The following GALNT13 variants were observed in gnomAD, a reference collection of about 807,000 sequenced individuals.
GALNT13 encodes polypeptide N-acetylgalactosaminyltransferase 13.
Under a neutral mutation model 64.2 loss-of-function variants are expected in GALNT13, and 28 were observed. The ratio of observed to expected loss-of-function variants is 0.44; its 90% CI spans 0.32 to 0.60. The LOEUF (loss-of-function observed/expected upper bound fraction) is 0.60. GALNT13 is among the 20% of genes least tolerant of loss of function. The pLI, the probability that GALNT13 is intolerant of heterozygous loss-of-function variation, is 0.05. For synonymous variants in GALNT13, 214 were observed against 224.6 expected (o/e 0.95, Z 0.42); for missense variants, 577 against 669.8 (o/e 0.86, Z 1.53).
chr2:153,400,794 T>C, the GALNT13 span, among the ~76,000 whole-genome samples: 16 of 152,200 alleles, frequency 1.1e-4, no homozygotes, highest in East Asian at 2.1e-3. Flanking sequence ...TTTTTTATTG[T>C]GTCTATTTGA....
the GALNT13 span, among the ~76,000 whole-genome samples, chr2:153,724,406 A>G: frequency 1.2e-3 from 149 of 120,254 alleles, no homozygotes; most frequent in African/African-American, 6.0e-3. Context: ...CAAGGACTTC[A>G]TGTCCAAAAC....
chr2:153,948,535 A>G (rs1297960312), intron 3 of GALNT13, among the ~76,000 whole-genome samples: 1 of 152,108 alleles, frequency 6.6e-6, no homozygotes, highest in African/African-American at 2.4e-5. Flanking sequence ...AAATTGTTCT[A>G]TTATAAAGAG....
At chr2:153,533,600 A>AT in the GALNT13 span, among the ~76,000 whole-genome samples, 23 of 151,076 alleles carry the variant, frequency 1.5e-4, no homozygotes, top group African/African-American at 5.6e-4. Context: ...AATGTTATTA[A>AT]TTTGAAAAAA....
the GALNT13 span, among the ~76,000 whole-genome samples, chr2:153,661,363 A>T: frequency 0.28 from 42,123 of 152,000 alleles, 6,374 homozygotes; most frequent in Admixed American, 0.39. Flanking sequence ...GAAGATAACA[A>T]ATAACTTAAA....
chr2:153,144,933 A>G, the GALNT13 span, among the ~76,000 whole-genome samples: 1 of 151,986 alleles, frequency 6.6e-6, no homozygotes, highest in Non-Finnish European at 1.5e-5. Flanking sequence ...AAAAAATGAT[A>G]TAAAGTATGC....
At chr2:154,213,279 C>T (rs2161011) in intron 4 of GALNT13, among the ~76,000 whole-genome samples, 27,558 of 151,930 alleles carry the variant, frequency 0.18, 2,932 homozygotes, top group Middle Eastern at 0.33. Context: ...GGGGTTTTGC[C>T]ATGTTGCCCA....
chr2:154,408,321 TTATGTC>T (rs1391219157), intron 10 of GALNT13, among the ~76,000 whole-genome samples: 1 of 152,094 alleles, frequency 6.6e-6, no homozygotes, highest in Non-Finnish European at 1.5e-5. Context: ...ACCAAGAACT[TTATGTC>T]TGTAGTCAGC....
At chr2:154,215,660 C>T (rs921352560) in intron 4 of GALNT13, among the ~76,000 whole-genome samples, 7 of 151,998 alleles carry the variant, frequency 4.6e-5, no homozygotes, top group African/African-American at 1.7e-4. Context: ...TTTATGAGAC[C>T]CCATAGGATT....
intron 3 of GALNT13, among the ~76,000 whole-genome samples, chr2:153,950,946 T>C (rs1692132872): frequency 6.6e-6 from 1 of 152,098 alleles, no homozygotes; most frequent in Non-Finnish European, 1.5e-5. Context: ...AAAAAAGTTG[T>C]ATCCTTCAAA....
At chr2:153,257,037 G>A in the GALNT13 span, among the ~76,000 whole-genome samples, 2 of 152,208 alleles carry the variant, frequency 1.3e-5, no homozygotes, top group Non-Finnish European at 2.9e-5. Flanking sequence ...AATGGCGGGC[G>A]CCCCTCCGCC....
the GALNT13 span, among the ~76,000 whole-genome samples, chr2:153,712,459 C>T: frequency 6.6e-6 from 1 of 151,906 alleles, no homozygotes. Flanking sequence ...TTGTCATCTG[C>T]AAGAAAGAAG....
At chr2:153,245,324 A>C in the GALNT13 span, among the ~76,000 whole-genome samples, 126,366 of 152,236 alleles carry the variant, frequency 0.83, 53,627 homozygotes, top group African/African-American at 0.91. Context: ...GGTCCCTGAC[A>C]CCTGTGCCTC....
At chr2:153,092,672 G>C in the GALNT13 span, among the ~76,000 whole-genome samples, 1 of 152,194 alleles carries the variant, frequency 6.6e-6, no homozygotes, top group South Asian at 2.1e-4. Flanking sequence ...ACTGAATTTT[G>C]TATGTTGATT....
chr2:153,397,102 A>G, the GALNT13 span, among the ~76,000 whole-genome samples: 18 of 152,270 alleles, frequency 1.2e-4, no homozygotes, highest in African/African-American at 4.3e-4. Flanking sequence ...TGCTTCTTCT[A>G]TAAGTATATA....
chr2:153,937,115 G>A (rs889313219), intron 2 of GALNT13, among the ~76,000 whole-genome samples: 2 of 152,114 alleles, frequency 1.3e-5, no homozygotes, highest in Non-Finnish European at 2.9e-5. Flanking sequence ...ATATGATCAA[G>A]CAATTCTACA....
At chr2:153,362,556 A>G in the GALNT13 span, among the ~76,000 whole-genome samples, 1,975 of 72,910 alleles carry the variant, frequency 0.027, 40 homozygotes, top group African/African-American at 0.081. Flanking sequence ...TGGAGAGCAA[A>G]AAAAAAAAAA....
In GALNT13 at chr2:154,450,621, A is replaced by G; in HGVS notation, c.*70A>G. On this transcript the variant is annotated 3_prime_UTR_variant, in exon 13 of 13. Coordinates refer to ENST00000392825, the MANE Select transcript of GALNT13 (RefSeq NM_052917.4). The stretch of plus-strand genomic sequence containing the variant: ...TCCATTATTTCAATTGGGGGAAAAT[A>G]TTAACTTTGCTGAATTGAAAGTTTT... 7.4e-7 allele frequency: 1 copy of G among 1,358,280 alleles called. No homozygotes were observed. 84.1% of individuals were successfully genotyped at this position (1,358,280 alleles called of 1,614,324 possible). A position where few individuals can be genotyped will look rare whatever the true frequency, so the allele number is the denominator to read the frequency against.
intron 10 of GALNT13, among the ~76,000 whole-genome samples, chr2:154,403,843 T>A (rs1218722877): frequency 4.6e-5 from 7 of 152,194 alleles, no homozygotes; most frequent in Non-Finnish European, 2.9e-5. Flanking sequence ...ACTGCCTCCC[T>A]GTCTGGAAGT....
chr2:153,697,152 A>C, the GALNT13 span, among the ~76,000 whole-genome samples: 1 of 152,090 alleles, frequency 6.6e-6, no homozygotes, highest in Non-Finnish European at 1.5e-5. Context: ...TTTCTTTCTT[A>C]TTAATACCAC....
Sources: gnomAD v4.1 joint callset for allele counts (sites outside exome capture counted in the v4.1 genomes callset) on GRCh38, gnomAD v4.1.1 for gene constraint, MANE v1.5 for transcripts, NCBI Gene and HGNC (gene_info 2026-07-23, HGNC 2026-07-21) for gene names.